The following CLN6 variants were observed in gnomAD, a reference collection of about 807,000 sequenced individuals.
CLN6 encodes the protein CLN6 transmembrane ER protein.
CLN6 carries 22 observed loss-of-function variants against 33.3 expected under a neutral mutation model. The observed-to-expected ratio is 0.66, with a 90% CI of 0.47 to 0.94. The LOEUF is 0.94. Ranked by LOEUF, CLN6 falls within the 40% of genes least tolerant of loss-of-function variation. The pLI is 0.00. For synonymous variants in CLN6, 201 were observed against 174.6 expected, an observed-to-expected ratio of 1.15 and a Z score of -1.19; for missense variants, 387 against 417.1, an observed-to-expected ratio of 0.93 and a Z score of 0.63.
chr15:68,244,575 T>TGAAAGAAAAAAACACTAATGTGCC (rs1361572126), intron 1 of CLN6, among the ~76,000 whole-genome samples: 2 of 151,920 alleles, frequency 1.3e-5, no homozygotes, highest in Non-Finnish European at 2.9e-5. Context: ...TTCTTCAATC[T>TGAAAGAAAAAAACACTAATGTGCC]GAAAGAAAAA....
intron 1 of CLN6, among the ~76,000 whole-genome samples, chr15:68,221,671 G>C (rs910359883): frequency 1.3e-5 from 2 of 152,048 alleles, no homozygotes; most frequent in African/African-American, 2.4e-5. Context: ...GAAGTGAGGA[G>C]CGTCTCTGCC....
chr15:68,234,017 A>G, upstream of CLN6, among the ~76,000 whole-genome samples: 1 of 152,054 alleles, frequency 6.6e-6, no homozygotes, highest in East Asian at 1.9e-4. The surrounding 1 kb of genome is among the most constrained non-coding windows in gnomAD (Gnocchi z 4.1). Context: ...TACTAGAAGC[A>G]ACGGGGGACA....
Position 68,256,810 on chromosome 15 carries a change from A to T in CLN6, c.59T>A (p.Leu20Gln). 1 of 693,780 alleles carries T rather than the reference A, an allele frequency of 1.4e-6. No homozygotes were observed. Among genetic ancestry groups the T allele is most frequent in the Non-Finnish European group, 2.6e-6 (1 of 379,636 alleles). The allele number at this position is 693,780 out of a possible 1,614,324, so 43.0% of individuals were successfully genotyped here. A position where few individuals can be genotyped will look rare whatever the true frequency, so the allele number is the denominator to read the frequency against. ...TCCCTCCCTCCTAGGGATGGCTCCC[A>T]GTGTCTCTGGCCGGGGCCTGCCTCT... Residue 20 changes from leucine (L) to glutamine (Q), a missense_variant, in exon 1 of 7, where the codon CTG (leucine) becomes CAG (glutamine). By Grantham distance (113) the Leu-to-Gln change is moderately radical (BLOSUM62 -2). Transcript: ENST00000538696. The surrounding 1 kb of genome is among the most constrained non-coding windows in gnomAD (Gnocchi z 4.1).
At position 68,229,543 on chromosome 15, in the gene CLN6, G is replaced by A; in HGVS notation, c.42C>T (p.Gly14=). The change falls in exon 1 of 7, where the codon GGC becomes GGT. Residue 14 remains glycine, a synonymous_variant. Transcript: ENST00000249806. ...TRRRQHLGAT[G]GPGAQLGASF... ...AGGCGCCCAGCTGCGCGCCTGGGCCGCCCGTCGCTCCCAGGTGCTGCCGCC... is the reference window on the plus strand; with the variant it reads ...AGGCGCCCAGCTGCGCGCCTGGGCCACCCGTCGCTCCCAGGTGCTGCCGCC... The A allele has an allele frequency of 6.8e-7, 1 of 1,468,106 alleles. No individual in the cohort carries two copies. The highest frequency in any genetic ancestry group is 2.4e-5 in the Admixed American group (1 of 42,540). 90.9% of individuals were successfully genotyped at this position (1,468,106 alleles called of 1,614,324 possible).
chr15:68,216,084 C>T (rs956129708), intron 2 of CLN6, among the ~76,000 whole-genome samples: 5 of 152,228 alleles, frequency 3.3e-5, no homozygotes, highest in Non-Finnish European at 5.9e-5. Context: ...CCAAGTCCTA[C>T]TTAGGGTTAC....
At position 68,209,654 on chromosome 15, in the gene CLN6, G is replaced by A. The variant is rs2093198848; in HGVS notation, c.648C>T (p.Pro216=). The A allele has an allele frequency of 6.2e-7, 1 of 1,613,086 alleles. No individual in the cohort carries two copies. The highest frequency in any genetic ancestry group is 1.3e-5 in the African/African-American group (1 of 74,924). The change falls in exon 6 of 7, where the codon CCC becomes CCT. Residue 216 remains proline, a synonymous_variant. Transcript: ENST00000249806. The surrounding 1 kb of genome is among the most constrained non-coding windows in gnomAD (Gnocchi z 4.9). ...IPGPALLLVA[P]SGLYYWYLVT... is the part of the protein sequence containing the mutation. ...CCACTCACCAGTAGTACAGGCCACT[G>A]GGTGCCACCAGGAGCAGGGCAGGCC...
At chr15:68,235,164 T>G (rs1318268543) in intron 1 of CLN6, among the ~76,000 whole-genome samples, 1 of 152,192 alleles carries the variant, frequency 6.6e-6, no homozygotes, top group Non-Finnish European at 1.5e-5. Flanking sequence ...GCGCTAACCT[T>G]GGCTCCTGCT....
chr15:68,249,279 T>C (rs1478749218), intron 1 of CLN6, among the ~76,000 whole-genome samples: 6 of 152,124 alleles, frequency 3.9e-5, no homozygotes, highest in African/African-American at 1.4e-4. Context: ...CTCAAAAAGC[T>C]AAAAATAGAA....
chr15:68,243,997 G>A (rs551833648), intron 1 of CLN6, among the ~76,000 whole-genome samples: 2 of 151,804 alleles, frequency 1.3e-5, no homozygotes, highest in South Asian at 2.1e-4. Flanking sequence ...CCCGAGAGGC[G>A]GACTTTGCAG....
Position 68,208,274 on chromosome 15 carries a change from G to A in CLN6, c.802C>T (p.Leu268=). Residue 268 remains leucine, a synonymous_variant, in exon 7 of 7, where the codon CTG becomes TTG. Coordinates refer to ENST00000249806, the MANE Select transcript of CLN6 (RefSeq NM_017882.3). The surrounding 1 kb of genome is among the most constrained non-coding windows in gnomAD (Gnocchi z 5.8). Reference sequence around the variant, plus strand: ...CAGAGCGCCACAAGCAAGAGGGTCAGTGCGAAGGAGGAGAAGAGGAAGAGG... The same window carrying A: ...CAGAGCGCCACAAGCAAGAGGGTCAATGCGAAGGAGGAGAAGAGGAAGAGG... ...NGLFLFSSFA[L]TLLLVALWVA... 1.9e-6 allele frequency: 3 copies of A among 1,614,176 alleles called. No homozygotes were observed. The highest frequency in any genetic ancestry group is 2.5e-6 in the Non-Finnish European group (3 of 1,180,048).
intron 1 of CLN6, among the ~76,000 whole-genome samples, chr15:68,221,920 G>A (rs143117830): frequency 0.45 from 52,827 of 117,576 alleles, 12,378 homozygotes; most frequent in Middle Eastern, 0.58. Flanking sequence ...CGGCCGCCCC[G>A]TCTGGGAAGT....
rs1187562619 is a variant in CLN6, at chr15:68,242,792, T to G, written c.179+13898A>C. ...GTTTCTTTGACTTTTGAAAATGGTT[T>G]GATTTACCTACTTTGGAGCATTAGA... On this transcript the variant is annotated intron_variant, in intron 1 of 6. Transcript: ENST00000538696. The surrounding 1 kb of genome is among the most constrained non-coding windows in gnomAD (Gnocchi z 5.0). Among the ~76,000 whole-genome samples the G allele has an allele frequency of 1.3e-5, 2 of 152,208 alleles. No individual in the cohort carries two copies. The highest frequency in any genetic ancestry group is 4.8e-5 in the African/African-American group (2 of 41,446).
intron 1 of CLN6, among the ~76,000 whole-genome samples, chr15:68,226,551 C>T (rs1240563706): frequency 6.6e-6 from 1 of 152,044 alleles, no homozygotes; most frequent in African/African-American, 2.4e-5. Context: ...ACCGCAACCT[C>T]CGCCTCCTGA....
chr15:68,244,293 G>C (rs1215747274), intron 1 of CLN6, among the ~76,000 whole-genome samples: 12 of 151,660 alleles, frequency 7.9e-5, no homozygotes, highest in African/African-American at 2.9e-4. Flanking sequence ...GACACAGAAA[G>C]GATCCTAAAA....
In CLN6 at chr15:68,255,161, G is replaced by T. The variant is rs139498565; in HGVS notation, c.179+1529C>A. Among the ~76,000 whole-genome samples, 769 of 152,296 alleles carry T rather than the reference G, an allele frequency of 5.0e-3. 1 individual carries two copies. The highest frequency in any genetic ancestry group is 0.017 in the African/African-American group (696 of 41,550). On this transcript the variant is annotated intron_variant, in intron 1 of 6. Transcript: ENST00000538696. ...AGACTTGCCCTTGGCTCCCAGGAAG[G>T]GGGATTCCCTGACTTTGACACACAA...
intron 1 of CLN6, among the ~76,000 whole-genome samples, chr15:68,250,024 G>C (rs1202999693): frequency 6.6e-6 from 1 of 152,054 alleles, no homozygotes; most frequent in African/African-American, 2.4e-5. Flanking sequence ...ACCCACCTTG[G>C]CCTCCCAAAG....
At chr15:68,232,347 C>T (rs1023709304), upstream of CLN6, among the ~76,000 whole-genome samples, 3 of 151,952 alleles carry the variant, frequency 2.0e-5, no homozygotes, top group Non-Finnish European at 2.9e-5. This position sits in a 1 kb window ranked among gnomAD's most constrained non-coding sequence, Gnocchi z 4.7. Context: ...TTAGTAGAGA[C>T]GGGGTTTCAC....
chr15:68,222,210 G>A (rs1217776036), intron 1 of CLN6, among the ~76,000 whole-genome samples: 2 of 145,516 alleles, frequency 1.4e-5, no homozygotes, highest in African/African-American at 5.2e-5. Context: ...CCTCTGCCCA[G>A]CCGCCCCGTC....
At position 68,246,103 on chromosome 15, in the gene CLN6, G is replaced by A. The variant is rs770983868; in HGVS notation, c.179+10587C>T. Reference sequence around the variant, plus strand: ...ATCAACCTAAAGGCAGAGATAGACTGTAATACAATACAGTAGGGGACTTCA... The same window carrying A: ...ATCAACCTAAAGGCAGAGATAGACTATAATACAATACAGTAGGGGACTTCA... On this transcript the variant is annotated intron_variant, in intron 1 of 6. Transcript: ENST00000538696. This position sits in a 1 kb window ranked among gnomAD's most constrained non-coding sequence, Gnocchi z 4.5. 3.9e-5 allele frequency among the ~76,000 whole-genome samples: 6 copies of A among 152,054 alleles called. No individual in the cohort carries two copies. The highest frequency in any genetic ancestry group is 8.8e-5 in the Non-Finnish European group (6 of 68,006).
Sources: allele counts gnomAD v4.1 joint callset (sites outside exome capture counted in the v4.1 genomes callset), GRCh38; gene constraint gnomAD v4.1.1; non-coding constraint Gnocchi (gnomAD v3.1); transcripts MANE v1.5; gene names NCBI Gene and HGNC (gene_info 2026-07-23, HGNC 2026-07-21).